BARX2: variants seen among roughly 807,000 people sequenced by gnomAD.
The protein encoded by BARX2 is BARX homeobox 2, also known as homeobox protein BarH-like 2.
In BARX2, 11 loss-of-function variants were observed where a neutral mutation model predicts 25.5. The observed-to-expected ratio is 0.43, with a 90% CI of 0.27 to 0.71. The LOEUF (loss-of-function observed/expected upper bound fraction) is 0.71, where lower values mean the gene tolerates loss of function less well. Among genes scored for constraint, BARX2 ranks in the 30% least tolerant of loss-of-function variants. The probability of loss-of-function intolerance (pLI) is 0.19; values close to 1 mark genes in which losing one functional copy is unlikely to be tolerated. For missense variants in BARX2, 360 were observed against 359.9 expected (o/e 1.00, Z 0.00); for synonymous variants, 137 against 149.5 (o/e 0.92, Z 0.61).
At chr11:129,393,298 G>T (rs1232435677) in intron 1 of BARX2, among the ~76,000 whole-genome samples, 1 of 152,054 alleles carries the variant, frequency 6.6e-6, no homozygotes, top group Non-Finnish European at 1.5e-5. Flanking sequence ...ATCACCCTTT[G>T]GGAACTCTAT....
intron 2 of BARX2, among the ~76,000 whole-genome samples, chr11:129,440,131 C>T (rs1333864100): frequency 6.6e-6 from 1 of 152,158 alleles, no homozygotes; most frequent in African/African-American, 2.4e-5. Flanking sequence ...AGCTCTCACC[C>T]TCCTCCTCTG....
chr11:129,451,131 C>T lies in BARX2; in HGVS notation c.574-5C>T, dbSNP rs10791010. 340,472 of 1,608,322 alleles carry T rather than the reference C, an allele frequency of 0.21. 40,085 individuals carry two copies. The highest frequency in any genetic ancestry group is 0.44 in the East Asian group (19,472 of 44,748). On this transcript the variant is annotated splice_region_variant and splice_polypyrimidine_tract_variant and intron_variant, in intron 3 of 3. Coordinates refer to ENST00000281437, the MANE Select transcript of BARX2 (RefSeq NM_003658.5). ...AGATTCAATAACAATTTTTTACTCA[C>T]GTAGGTTCTTAAAGGTGGACAGGAA...
In BARX2 at chr11:129,436,424, ACTT is replaced by A. The variant is rs1862189522; in HGVS notation, c.188-323_188-321del. 3.1e-6 allele frequency: 1 copy of A among 322,208 alleles called. No individual in the cohort carries two copies. The highest frequency in any genetic ancestry group is 4.8e-5 in the East Asian group (1 of 20,646). 20.0% of individuals were successfully genotyped at this position (322,208 alleles called of 1,614,324 possible). A position where few individuals can be genotyped will look rare whatever the true frequency, so the allele number is the denominator to read the frequency against. On this transcript the variant is annotated intron_variant, in intron 1 of 3. Coordinates refer to ENST00000281437, the MANE Select transcript of BARX2 (RefSeq NM_003658.5). The surrounding 1 kb of genome is among the most constrained non-coding windows in gnomAD (Gnocchi z 4.5). The stretch of plus-strand genomic sequence containing the variant: ...TATGTGTCTCTAGCTTTTCCTGACT[ACTT>A]CTTTTCATCTGCCTGGTCCCATGGA...
intron 1 of BARX2, among the ~76,000 whole-genome samples, chr11:129,421,454 A>G (rs1196348394): frequency 6.6e-6 from 1 of 152,212 alleles, no homozygotes; most frequent in African/African-American, 2.4e-5. Context: ...TTTTTGTAAC[A>G]TAGTTTGATG....
intron 1 of BARX2, among the ~76,000 whole-genome samples, chr11:129,401,058 G>A (rs1207344759): frequency 6.6e-6 from 1 of 152,170 alleles, no homozygotes; most frequent in East Asian, 1.9e-4. Flanking sequence ...CTTGTTAGGA[G>A]TGCAAGATCC....
chr11:129,423,741 C>T (rs1220639538), intron 1 of BARX2, among the ~76,000 whole-genome samples: 1 of 152,194 alleles, frequency 6.6e-6, no homozygotes, highest in African/African-American at 2.4e-5. Flanking sequence ...GCTTGTGCTG[C>T]TGCCTCTTAT....
At chr11:129,409,169 C>T (rs1336395074) in intron 1 of BARX2, among the ~76,000 whole-genome samples, 1 of 152,186 alleles carries the variant, frequency 6.6e-6, no homozygotes, top group Non-Finnish European at 1.5e-5. Flanking sequence ...ATAACTTCCC[C>T]ACCTCTCAAA....
chr11:129,380,410 C>T (rs904588994), intron 1 of BARX2, among the ~76,000 whole-genome samples: 12 of 152,076 alleles, frequency 7.9e-5, no homozygotes, highest in Admixed American at 3.3e-4. Context: ...TATAGTGTCT[C>T]GTTTGGGAGT....
chr11:129,426,655 G>A (rs146419855), intron 1 of BARX2, among the ~76,000 whole-genome samples: 2,711 of 152,216 alleles, frequency 0.018, 62 homozygotes, highest in African/African-American at 0.06. Flanking sequence ...GGGATTATAG[G>A]CGTGAGCCAC....
intron 1 of BARX2, among the ~76,000 whole-genome samples, chr11:129,421,733 A>G (rs1862006175): frequency 6.6e-6 from 1 of 152,178 alleles, no homozygotes; most frequent in Admixed American, 6.5e-5. Flanking sequence ...TGTTCCAGCA[A>G]CGAGCTCTTC....
chr11:129,392,147 G>A (rs923818017), intron 1 of BARX2, among the ~76,000 whole-genome samples: 2 of 152,210 alleles, frequency 1.3e-5, no homozygotes, highest in South Asian at 2.1e-4. Context: ...CTCTCAGGAA[G>A]GATGAAGCAC....
intron 1 of BARX2, among the ~76,000 whole-genome samples, chr11:129,395,593 G>A (rs964042466): frequency 3.3e-5 from 5 of 152,126 alleles, no homozygotes; most frequent in East Asian, 1.9e-4. Flanking sequence ...CCAGTGCCAC[G>A]TTCAGCCCTC....
intron 1 of BARX2, among the ~76,000 whole-genome samples, chr11:129,413,349 T>C (rs918323041): frequency 2.0e-5 from 3 of 152,172 alleles, no homozygotes; most frequent in African/African-American, 7.2e-5. Flanking sequence ...GAGCTGGGCT[T>C]GTAACCACTA....
chr11:129,398,970 A>G (rs1331945548), intron 1 of BARX2, among the ~76,000 whole-genome samples: 1 of 152,180 alleles, frequency 6.6e-6, no homozygotes, highest in African/African-American at 2.4e-5. Flanking sequence ...AGAGAAAGTC[A>G]TGCTGTACTC....
chr11:129,411,082 G>T (rs557847078), intron 1 of BARX2, among the ~76,000 whole-genome samples: 38 of 152,278 alleles, frequency 2.5e-4, no homozygotes, highest in Non-Finnish European at 5.0e-4. Context: ...TTAAAGAATA[G>T]CAGAGTGGGC....
At chr11:129,443,408 C>T (rs997376506) in intron 3 of BARX2, among the ~76,000 whole-genome samples, 5 of 152,084 alleles carry the variant, frequency 3.3e-5, no homozygotes, top group South Asian at 2.1e-4. Flanking sequence ...TTTATAATGA[C>T]GTAGAGGATG....
At chr11:129,389,464 GT>G (rs1591428279) in intron 1 of BARX2, among the ~76,000 whole-genome samples, 1 of 152,188 alleles carries the variant, frequency 6.6e-6, no homozygotes, top group East Asian at 1.9e-4. Context: ...CCACTTTTCT[GT>G]TTTGTAATAT....
intron 1 of BARX2, among the ~76,000 whole-genome samples, chr11:129,382,990 T>C (rs1411704935): frequency 6.6e-6 from 1 of 152,202 alleles, no homozygotes; most frequent in East Asian, 1.9e-4. Context: ...CCTGAGAGGA[T>C]GGAACGGTAG....
chr11:129,423,324 C>T (rs1479498739), intron 1 of BARX2, among the ~76,000 whole-genome samples: 2 of 151,808 alleles, frequency 1.3e-5, no homozygotes, highest in African/African-American at 4.8e-5. Flanking sequence ...ACCATGTTGG[C>T]CAAGCTGGTC....
Sources: gnomAD v4.1 joint callset for allele counts (sites outside exome capture counted in the v4.1 genomes callset) on GRCh38, gnomAD v4.1.1 for gene constraint, Gnocchi (gnomAD v3.1) non-coding constraint, MANE v1.5 for transcripts, NCBI Gene and HGNC (gene_info 2026-07-23, HGNC 2026-07-21) for gene names.